ATF7IP: variants seen among roughly 807,000 people sequenced by gnomAD.
ATF7IP encodes the protein activating transcription factor 7-interacting protein 1.
Under a neutral mutation model 106.4 loss-of-function variants are expected in ATF7IP, and 23 were observed. That is an observed-to-expected ratio of 0.22 (90% CI 0.16 to 0.31). The LOEUF (loss-of-function observed/expected upper bound fraction) is 0.31, where lower values mean the gene tolerates loss of function less well. Among genes scored for constraint, ATF7IP ranks in the 10% least tolerant of loss-of-function variants. The pLI is 1.00. For synonymous variants in ATF7IP, 542 were observed against 539.0 expected (o/e 1.01, Z -0.08); for missense variants, 1,334 against 1,524.3 (o/e 0.88, Z 2.08).
intron 2 of ATF7IP, among the ~76,000 whole-genome samples, chr12:14,426,945 G>A (rs1941885420): frequency 1.3e-5 from 2 of 150,894 alleles, no homozygotes; most frequent in South Asian, 4.2e-4. Flanking sequence ...GATAGTATTT[G>A]CCCTCAGGAT....
At chr12:14,491,503 ACTT>A (rs1446739981) in intron 13 of ATF7IP, among the ~76,000 whole-genome samples, 1 of 152,120 alleles carries the variant, frequency 6.6e-6, no homozygotes, top group Admixed American at 6.5e-5. Flanking sequence ...TGTTTTTGCT[ACTT>A]CTTGCTCACT....
At position 14,436,156 on chromosome 12, in the gene ATF7IP, C is replaced by G; in HGVS notation, c.1696C>G (p.Gln566Glu). 3 of 1,613,494 alleles carry G rather than the reference C, an allele frequency of 1.9e-6. No homozygotes were observed. The highest frequency in any genetic ancestry group is 1.7e-6 in the Non-Finnish European group (2 of 1,179,700). ...TAAATCAGAAGACATGGACAATGTA[C>G]AGTCTAAACGTCGTCGATATATGGA... The part of the protein sequence containing the change: ...RSKSEDMDNV[Q>E]SKRRRYMEEE... The change falls in exon 4 of 15, where the codon CAG becomes GAG. Residue 566 changes from glutamine to glutamate, a missense_variant. Around this residue, in one of 10 missense-constraint regions of ATF7IP, gnomAD observed 119 missense variants for 117.8 expected, o/e 1.01. Coordinates refer to ENST00000261168, the MANE Select transcript of ATF7IP (RefSeq NM_018179.5).
In ATF7IP at chr12:14,436,176, T is replaced by C; in HGVS notation, c.1716T>C (p.Tyr572=). Residue 572 remains tyrosine (Y), a synonymous_variant, in exon 4 of 15, where the codon TAT becomes TAC. Transcript: ENST00000261168. ...MDNVQSKRRR[Y]MEEEYEAEFQ... ...ATGTACAGTCTAAACGTCGTCGATA[T>C]ATGGAAGAAGAATATGAGGCAGAAT... 1.2e-6 allele frequency: 2 copies of C among 1,613,750 alleles called. No homozygotes were observed. Among genetic ancestry groups the C allele is most frequent in the Non-Finnish European group, 1.7e-6 (2 of 1,179,818 alleles).
chr12:14,423,225 T>C (rs1004741303), intron 1 of ATF7IP, among the ~76,000 whole-genome samples: 2 of 152,150 alleles, frequency 1.3e-5, no homozygotes, highest in Admixed American at 6.5e-5. Context: ...TTAAATTGGG[T>C]GATTTATTAT....
At chr12:14,434,799 C>T (rs1942320766) in intron 3 of ATF7IP, among the ~76,000 whole-genome samples, 1 of 152,120 alleles carries the variant, frequency 6.6e-6, no homozygotes, top group Non-Finnish European at 1.5e-5. Context: ...TCTTCATCTT[C>T]ATGGGGCCAG....
intron 3 of ATF7IP, among the ~76,000 whole-genome samples, chr12:14,435,169 A>T (rs1320873629): frequency 6.6e-6 from 1 of 151,804 alleles, no homozygotes; most frequent in African/African-American, 2.4e-5. Context: ...AAGGAAAGAT[A>T]AGGTTCTTTA....
intron 1 of ATF7IP, among the ~76,000 whole-genome samples, chr12:14,385,952 A>C (rs1327166129): frequency 1.3e-5 from 2 of 152,048 alleles, no homozygotes; most frequent in Non-Finnish European, 2.9e-5. Flanking sequence ...GCCTCCTCCC[A>C]GTATCCAACT....
At chr12:14,395,108 T>TA (rs1939765242) in intron 1 of ATF7IP, 2 of 152,206 alleles carry the variant, frequency 1.3e-5, no homozygotes, top group South Asian at 4.2e-4. Context: ...GTTTTTTTTT[T>TA]AATGAATATG....
chr12:14,432,119 T>C (rs1358184885), intron 2 of ATF7IP, among the ~76,000 whole-genome samples: 3 of 152,188 alleles, frequency 2.0e-5, no homozygotes, highest in African/African-American at 7.2e-5. Flanking sequence ...AACATGCGTA[T>C]AAAAGAGGCA....
rs755540584 is a variant in ATF7IP, at chr12:14,423,879, A to G, written c.-7-30A>G. On this transcript the variant is annotated intron_variant, in intron 1 of 14. Coordinates refer to ENST00000261168, the MANE Select transcript of ATF7IP (RefSeq NM_018179.5). ...CAATTAGGTGGCTTCTGTTTCAGTTATTAAACTCTCTTTCTCTTTTTTCTT... is the reference window on the plus strand; with the variant it reads ...CAATTAGGTGGCTTCTGTTTCAGTTGTTAAACTCTCTTTCTCTTTTTTCTT... 5.8e-6 allele frequency: 9 copies of G among 1,539,510 alleles called. No homozygotes were observed. In the African/African-American group the frequency reaches 1.3e-4, roughly 21 times the overall value.
In ATF7IP at chr12:14,500,738, AAAG is replaced by A. The variant is rs1460864925; in HGVS notation, c.*2666_*2668del. The stretch of plus-strand genomic sequence containing the variant: ...TTATATTTACTAATCTTTTTTAAAA[AAAG>A]CTTTCATAGCATTATATAATCAGAT... On this transcript the variant is annotated 3_prime_UTR_variant, in exon 15 of 15. Coordinates refer to ENST00000261168, the MANE Select transcript of ATF7IP (RefSeq NM_018179.5). 1 of 152,222 alleles carries A rather than the reference AAAG, an allele frequency of 6.6e-6. No homozygotes were observed. Among genetic ancestry groups the A allele is most frequent in the Non-Finnish European group, 1.5e-5 (1 of 68,022 alleles). 9.4% of individuals were successfully genotyped at this position (152,222 alleles called of 1,614,324 possible).
chr12:14,415,457 G>GCCTTGTCTGGGGAATTGTTGGTAA (rs1941151066), intron 1 of ATF7IP, among the ~76,000 whole-genome samples: 1 of 152,178 alleles, frequency 6.6e-6, no homozygotes, highest in Non-Finnish European at 1.5e-5. Flanking sequence ...ATTTACTCCT[G>GCCTTGTCTGGGGAATTGTTGGTAA]CCTTGTCTGG....
At chr12:14,387,409 A>G (rs533759027) in intron 1 of ATF7IP, among the ~76,000 whole-genome samples, 2 of 152,252 alleles carry the variant, frequency 1.3e-5, no homozygotes, top group East Asian at 3.9e-4. Flanking sequence ...TCTAGTGTTT[A>G]AAAATATGTG....
intron 1 of ATF7IP, among the ~76,000 whole-genome samples, chr12:14,395,616 C>G (rs993635540): frequency 6.6e-6 from 1 of 152,042 alleles, no homozygotes; most frequent in East Asian, 1.9e-4. Flanking sequence ...AACTGGTACA[C>G]GCAGAGAGAT....
chr12:14,457,572 T>A (rs779150113), intron 8 of ATF7IP, among the ~76,000 whole-genome samples: 2 of 152,028 alleles, frequency 1.3e-5, no homozygotes, highest in Non-Finnish European at 2.9e-5. Context: ...AACAAAAAAA[T>A]TTAGGGTCAT....
At chr12:14,491,278 C>T (rs769132901) in intron 13 of ATF7IP, among the ~76,000 whole-genome samples, 1 of 152,170 alleles carries the variant, frequency 6.6e-6, no homozygotes, top group Non-Finnish European at 1.5e-5. Flanking sequence ...GAATGTGTTG[C>T]CTCCAACATC....
intron 10 of ATF7IP, among the ~76,000 whole-genome samples, 161 bp from the exon 11 acceptor site, chr12:14,475,729 C>T (rs148563142): frequency 2.6e-5 from 4 of 152,252 alleles, no homozygotes; most frequent in African/African-American, 9.6e-5. Context: ...TATCCTGGGA[C>T]ATTTGTCTGA....
At chr12:14,400,320 C>G (rs750724514) in intron 1 of ATF7IP, among the ~76,000 whole-genome samples, 1 of 152,124 alleles carries the variant, frequency 6.6e-6, no homozygotes, top group Non-Finnish European at 1.5e-5. Flanking sequence ...CATTTATTGA[C>G]TGCTTACAGT....
At chr12:14,398,067 G>A (rs1162520808) in intron 1 of ATF7IP, among the ~76,000 whole-genome samples, 2 of 151,862 alleles carry the variant, frequency 1.3e-5, no homozygotes, top group Non-Finnish European at 2.9e-5. Context: ...CATGTTGTTC[G>A]TTATATTTAC....
Sources: gnomAD v4.1 joint callset for allele counts (sites outside exome capture counted in the v4.1 genomes callset) on GRCh38, gnomAD v4.1.1 for gene constraint, gnomAD v4.1.1 regional missense constraint, MANE v1.5 for transcripts, NCBI Gene and HGNC (gene_info 2026-07-23, HGNC 2026-07-21) for gene names.